Variants in PIP4K2A observed in about 807,000 individuals in gnomAD.
PIP4K2A encodes the protein phosphatidylinositol-5-phosphate 4-kinase type 2 alpha, also known as phosphatidylinositol 5-phosphate 4-kinase type-2 alpha.
Under a neutral mutation model 42.9 loss-of-function variants are expected in PIP4K2A, and 14 were observed. That is an observed-to-expected ratio of 0.33 (90% CI 0.22 to 0.51). The LOEUF (loss-of-function observed/expected upper bound fraction) is 0.51, where lower values mean the gene tolerates loss of function less well. Among genes scored for constraint, PIP4K2A ranks in the 20% least tolerant of loss-of-function variants. PIP4K2A has a pLI of 0.97. For synonymous variants in PIP4K2A, 192 were observed against 192.2 expected, an observed-to-expected ratio of 1.00 and a Z score of 0.01; for missense variants, 434 against 519.8, an observed-to-expected ratio of 0.83 and a Z score of 1.61.
At chr10:22,565,313 A>C (rs1331198794) in intron 6 of PIP4K2A, among the ~76,000 whole-genome samples, 1 of 152,234 alleles carries the variant, frequency 6.6e-6, no homozygotes, top group Non-Finnish European at 1.5e-5. Context: ...GGGACCCCAA[A>C]CGGAGGGACC....
intron 5 of PIP4K2A, chr10:22,569,063 A>C: frequency 1.3e-6 from 2 of 1,534,098 alleles, no homozygotes; most frequent in Non-Finnish European, 1.7e-6. Context: ...ATCTGCAAAG[A>C]AATCAAAATT....
At chr10:22,664,102 T>TATAC (rs1839275733) in intron 1 of PIP4K2A, among the ~76,000 whole-genome samples, 7 of 86,640 alleles carry the variant, frequency 8.1e-5, no homozygotes, top group African/African-American at 5.7e-4. Context: ...TATATATATA[T>TATAC]ACATATATAT....
chr10:22,604,689 G>A (rs929446378), intron 3 of PIP4K2A, among the ~76,000 whole-genome samples: 3 of 152,052 alleles, frequency 2.0e-5, no homozygotes, highest in African/African-American at 7.2e-5. Flanking sequence ...TCCGATATAC[G>A]CAGTCTTCAG....
At chr10:22,559,800 A>G (rs933975094) in intron 6 of PIP4K2A, among the ~76,000 whole-genome samples, 2 of 152,200 alleles carry the variant, frequency 1.3e-5, no homozygotes, top group African/African-American at 4.8e-5. Context: ...ATTTGAAACA[A>G]GAGATTCTCA....
At chr10:22,680,120 T>C (rs149068047) in intron 1 of PIP4K2A, among the ~76,000 whole-genome samples, 221 of 152,190 alleles carry the variant, frequency 1.5e-3, no homozygotes, top group African/African-American at 5.1e-3. Context: ...AAAAATACTC[T>C]AGCAAACCTA....
At chr10:22,672,028 T>G (rs570741234) in intron 1 of PIP4K2A, among the ~76,000 whole-genome samples, 5 of 152,206 alleles carry the variant, frequency 3.3e-5, no homozygotes, top group African/African-American at 4.8e-5. Flanking sequence ...ATTTTACATA[T>G]AGCCCCTAAC....
intron 1 of PIP4K2A, among the ~76,000 whole-genome samples, chr10:22,624,421 C>A (rs1358693167): frequency 6.6e-6 from 1 of 152,328 alleles, no homozygotes; most frequent in South Asian, 2.1e-4. Flanking sequence ...ATAAATTACA[C>A]AGCCTATGAA....
chr10:22,676,362 T>TAACA (rs1467520823), intron 1 of PIP4K2A, among the ~76,000 whole-genome samples: 1 of 152,190 alleles, frequency 6.6e-6, no homozygotes, highest in Non-Finnish European at 1.5e-5. Context: ...AAGGGCCATG[T>TAACA]AACAGCCCAA....
intron 1 of PIP4K2A, among the ~76,000 whole-genome samples, chr10:22,647,894 A>C (rs1838915390): frequency 1.3e-5 from 2 of 152,266 alleles, no homozygotes; most frequent in African/African-American, 4.8e-5. Context: ...AAACAAAAGA[A>C]AAACAATGTG....
chr10:22,628,323 T>C (rs949287374), intron 1 of PIP4K2A, among the ~76,000 whole-genome samples: 4 of 152,228 alleles, frequency 2.6e-5, no homozygotes, highest in Non-Finnish European at 5.9e-5. Flanking sequence ...CTCAAACTTA[T>C]AAATGTTCAT....
At chr10:22,550,877 C>G in intron 6 of PIP4K2A, 105 bp from the exon 7 acceptor site, 1 of 721,684 alleles carries the variant, frequency 1.4e-6, no homozygotes, top group Non-Finnish European at 2.5e-6. Flanking sequence ...TTTCACCGCC[C>G]CCACCCCGTT....
chr10:22,571,863 A>G (rs1836995467), intron 5 of PIP4K2A, among the ~76,000 whole-genome samples: 1 of 152,374 alleles, frequency 6.6e-6, no homozygotes, highest in Non-Finnish European at 1.5e-5. Context: ...GGACATTCCA[A>G]CTATCTCACA....
At chr10:22,544,102 G>A (rs904688820) in intron 7 of PIP4K2A, among the ~76,000 whole-genome samples, 10 of 152,114 alleles carry the variant, frequency 6.6e-5, no homozygotes, top group African/African-American at 2.2e-4. Flanking sequence ...GGAAGGTAAC[G>A]AGTTAAAATC....
At chr10:22,626,101 T>C (rs1027093420) in intron 1 of PIP4K2A, among the ~76,000 whole-genome samples, 1 of 152,112 alleles carries the variant, frequency 6.6e-6, no homozygotes, top group Non-Finnish European at 1.5e-5. Context: ...GTCTTTCCCA[T>C]GGCCTGGTGG....
At chr10:22,540,191 C>T (rs1021662309) in intron 8 of PIP4K2A, 117 bp from the exon 9 acceptor site, 38 of 699,882 alleles carry the variant, frequency 5.4e-5, no homozygotes, top group South Asian at 3.8e-4. Flanking sequence ...CAATGGAACG[C>T]GGATGGAAGG....
chr10:22,630,936 C>G (rs1320592265), intron 1 of PIP4K2A, among the ~76,000 whole-genome samples: 2 of 152,148 alleles, frequency 1.3e-5, no homozygotes, highest in South Asian at 4.1e-4. Context: ...ATTCTTCTTA[C>G]AAGACTAAAT....
chr10:22,669,765 T>A (rs2130857180), intron 1 of PIP4K2A, among the ~76,000 whole-genome samples: 1 of 152,290 alleles, frequency 6.6e-6, no homozygotes, highest in South Asian at 2.1e-4. Context: ...TGCAATCACT[T>A]TTTTACCAAC....
chr10:22,655,087 T>G (rs998061614), intron 1 of PIP4K2A, among the ~76,000 whole-genome samples: 2 of 151,638 alleles, frequency 1.3e-5, no homozygotes, highest in Non-Finnish European at 2.9e-5. Flanking sequence ...AAAAGAAAAT[T>G]TAAAATTTAA....
chr10:22,616,735 A>G (rs1203860860), intron 1 of PIP4K2A, among the ~76,000 whole-genome samples: 1 of 152,230 alleles, frequency 6.6e-6, no homozygotes, highest in African/African-American at 2.4e-5. Flanking sequence ...AGGGCAGATG[A>G]TAAAATACAC....
Sources: gnomAD v4.1 joint callset for allele counts (sites outside exome capture counted in the v4.1 genomes callset) on GRCh38, gnomAD v4.1.1 for gene constraint, MANE v1.5 for transcripts, NCBI Gene and HGNC (gene_info 2026-07-23, HGNC 2026-07-21) for gene names.